IL3RA: variants seen among roughly 807,000 people sequenced by gnomAD.
The protein encoded by IL3RA is interleukin 3 receptor subunit alpha.
Under a neutral mutation model 52.3 loss-of-function variants are expected in IL3RA, and 73 were observed. That is an observed-to-expected ratio of 1.40 (90% CI 1.16 to 1.70). IL3RA has a LOEUF of 1.70. Ranked by LOEUF, IL3RA falls within the 40% of genes most tolerant of loss-of-function variation. The pLI is 0.00. For synonymous variants in IL3RA, 260 were observed against 194.0 expected (o/e 1.34, Z -2.83); for missense variants, 664 against 504.4 (o/e 1.32, Z -3.03).
At chrX:1,342,066 G>C (rs2085516865) in intron 2 of IL3RA, among the ~76,000 whole-genome samples, 1 of 152,146 alleles carries the variant, frequency 6.6e-6, no homozygotes, top group Admixed American at 6.6e-5. Flanking sequence ...TCGTGACACA[G>C]ATGCCATGTG....
At chrX:1,381,352 C>G (rs753966390) in intron 11 of IL3RA, among the ~76,000 whole-genome samples, 14 of 152,168 alleles carry the variant, frequency 9.2e-5, no homozygotes, top group Non-Finnish European at 1.8e-4. Flanking sequence ...GAACTACGAT[C>G]GAGCCACTGC....
At chrX:1,346,816 G>C in intron 3 of IL3RA, among the ~76,000 whole-genome samples, 1 of 151,202 alleles carries the variant, frequency 6.6e-6, no homozygotes. Context: ...ACGTTTCCCT[G>C]AGAACCTATT....
chrX:1,365,121 T>TTA lies in IL3RA; in HGVS notation c.760-16_760-15insAT, dbSNP rs759625942. ...ACCATACCTGGCCCCTCTTCTTTAT[T>TTA]TTCTTTCAAACCACAGGTCAGAGAC... On this transcript the variant is annotated splice_polypyrimidine_tract_variant and intron_variant, in intron 8 of 11. Transcript: ENST00000331035. 6.9e-6 allele frequency: 11 copies of TTA among 1,590,214 alleles called. No homozygotes were observed. In the South Asian group the frequency reaches 1.2e-4, roughly 18 times the overall value.
intron 4 of IL3RA, among the ~76,000 whole-genome samples, chrX:1,351,682 G>A (rs1452514178): frequency 1.3e-5 from 2 of 148,362 alleles, no homozygotes; most frequent in East Asian, 2.0e-4. Flanking sequence ...AGGCTGGAGT[G>A]CAGTGGCGTG....
chrX:1,337,183 G>C (rs1358031429), intron 1 of IL3RA, among the ~76,000 whole-genome samples: 3 of 152,216 alleles, frequency 2.0e-5, no homozygotes, highest in African/African-American at 7.2e-5. Flanking sequence ...GATGCCTTGG[G>C]TTTATAAAGG....
chrX:1,353,708 C>CA (rs1160555183), intron 6 of IL3RA, among the ~76,000 whole-genome samples: 27 of 125,818 alleles, frequency 2.1e-4, no homozygotes, highest in Non-Finnish European at 2.8e-4. Context: ...GGACCCCCCC[C>CA]AATCATGGGT....
At position 1,382,608 on chromosome X, in the gene IL3RA, A is replaced by G. The variant is rs1443900432; in HGVS notation, c.*143A>G. On this transcript the variant is annotated 3_prime_UTR_variant, in exon 12 of 12. Coordinates refer to ENST00000331035, the MANE Select transcript of IL3RA (RefSeq NM_002183.4). ...GGTGGGCATGGGAGATGCCTGTGTAATTTCGTCCGAAGCTGCCAGGAAGAA... is the reference window on the plus strand; with the variant it reads ...GGTGGGCATGGGAGATGCCTGTGTAGTTTCGTCCGAAGCTGCCAGGAAGAA... 1 of 726,742 alleles carries G rather than the reference A, an allele frequency of 1.4e-6. No homozygotes were observed. Among genetic ancestry groups the G allele is most frequent in the Non-Finnish European group, 2.5e-6 (1 of 406,544 alleles). The allele number at this position is 726,742 out of a possible 1,614,324, so 45.0% of individuals were successfully genotyped here.
chrX:1,382,344 T>G, intron 11 of IL3RA, 47 bp from the exon 12 acceptor site: 7 of 1,490,582 alleles, frequency 4.7e-6, no homozygotes, highest in Non-Finnish European at 6.6e-6. Context: ...GTGGGCTCTG[T>G]TATCTGGGGG....
chrX:1,360,844 T>G (rs1214427956), intron 8 of IL3RA, among the ~76,000 whole-genome samples: 39 of 151,074 alleles, frequency 2.6e-4, no homozygotes, highest in Non-Finnish European at 4.9e-4. Flanking sequence ...TTTATCTTTC[T>G]AGCTCTCTCC....
intron 3 of IL3RA, among the ~76,000 whole-genome samples, chrX:1,347,912 C>A (rs1328494153): frequency 1.3e-5 from 2 of 151,230 alleles, no homozygotes; most frequent in East Asian, 3.9e-4. Flanking sequence ...TGGCGGGCGC[C>A]TGTAGTCCCA....
At chrX:1,350,316 A>C (rs778038214) in intron 4 of IL3RA, among the ~76,000 whole-genome samples, 172 of 140,666 alleles carry the variant, frequency 1.2e-3, no homozygotes, top group African/African-American at 4.1e-3. Context: ...TTAGCCGGGC[A>C]TGGTGGCTCA....
rs1204247583 is a variant in IL3RA at position 1,348,678 on chromosome X, CTTTCTTTCTTTCTTTT to C, written c.298+135_298+150del. The C allele has an allele frequency of 4.8e-5, 23 of 476,830 alleles. No individual in the cohort carries two copies. In the Admixed American group the frequency reaches 8.3e-4, roughly 17 times the overall value. The allele number at this position is 476,830 out of a possible 1,614,324, so 29.5% of individuals were successfully genotyped here. A position where few individuals can be genotyped will look rare whatever the true frequency, so the allele number is the denominator to read the frequency against. ...TCTTTCTTTCTTTCTTTCTTTCTTT[CTTTCTTTCTTTCTTTT>C]TCTTTCTTTCTGTTTCTGTTTCTTT... On this transcript the variant is annotated intron_variant, in intron 4 of 11. Transcript: ENST00000331035.
At chrX:1,362,614 C>T (rs1429374469) in intron 8 of IL3RA, among the ~76,000 whole-genome samples, 3 of 151,946 alleles carry the variant, frequency 2.0e-5, no homozygotes, top group Admixed American at 6.6e-5. Context: ...TTTCTATCTC[C>T]GTCCTCCTGT....
chrX:1,348,309 C>CTGT, intron 3 of IL3RA, 122 bp from the exon 4 acceptor site: 1 of 765,504 alleles, frequency 1.3e-6, no homozygotes, highest in South Asian at 1.5e-5. Flanking sequence ...GCCGAGATCA[C>CTGT]GCCACTGCAC....
intron 6 of IL3RA, among the ~76,000 whole-genome samples, chrX:1,354,895 A>C (rs778527875): frequency 2.5e-4 from 6 of 23,964 alleles, no homozygotes; most frequent in African/African-American, 1.1e-3. Context: ...GAGGAAGGGG[A>C]GGATAGAGAA....
chrX:1,352,225 G>A lies in IL3RA; in HGVS notation c.424G>A (p.Val142Ile), dbSNP rs1253339354. 4 of 1,613,450 alleles carry A rather than the reference G, an allele frequency of 2.5e-6. No homozygotes were observed. The highest frequency in any genetic ancestry group is 1.7e-5 in the Admixed American group (1 of 59,974). Residue 142 changes from valine (V) to isoleucine (I), a missense_variant, in exon 5 of 12, where the codon GTT (valine) becomes ATT (isoleucine). Transcript: ENST00000331035. The stretch of plus-strand genomic sequence containing the variant: ...CGTCCAGTACGACCTGTACTTGAAC[G>A]TTGCCAAGTAGGTGTGCCCGTGGGC... Reference protein sequence around the residue: ...ADVQYDLYLNVANRRQQYECL... With the variant: ...ADVQYDLYLNIANRRQQYECL...
intron 3 of IL3RA, among the ~76,000 whole-genome samples, chrX:1,345,963 C>T (rs2085724288): frequency 6.6e-6 from 1 of 152,002 alleles, no homozygotes; most frequent in Non-Finnish European, 1.5e-5. Context: ...TCTAAGATGG[C>T]ACACACTGGA....
chrX:1,378,533 C>G (rs1430404816), intron 9 of IL3RA, 126 bp from the exon 10 acceptor site: 1 of 749,858 alleles, frequency 1.3e-6, no homozygotes, highest in Non-Finnish European at 2.3e-6. Context: ...ACTGGGGTGT[C>G]CCCCCCTGGA....
At chrX:1,346,976 C>G (rs763746419) in intron 3 of IL3RA, among the ~76,000 whole-genome samples, 1 of 151,112 alleles carries the variant, frequency 6.6e-6, no homozygotes, top group African/African-American at 2.5e-5. Context: ...ATAAAACAGT[C>G]TAGAATCCCA....
Sources: allele counts gnomAD v4.1 joint callset (sites outside exome capture counted in the v4.1 genomes callset), GRCh38; gene constraint gnomAD v4.1.1; transcripts MANE v1.5; gene names NCBI Gene and HGNC (gene_info 2026-07-23, HGNC 2026-07-21).